MON2: variants seen among roughly 807,000 people sequenced by gnomAD.
MON2 encodes the protein MON2 regulator of endosome-to-Golgi trafficking.
MON2 carries 84 observed loss-of-function variants against 208.6 expected under a neutral mutation model. The observed-to-expected ratio is 0.40, with a 90% CI of 0.34 to 0.48. The LOEUF (loss-of-function observed/expected upper bound fraction) is 0.48. Ranked by LOEUF, MON2 falls within the 20% of genes least tolerant of loss-of-function variation. MON2 has a pLI of 0.59. For missense variants in MON2, 1,611 were observed against 2,015.4 expected, an observed-to-expected ratio of 0.80 and a Z score of 3.84; for synonymous variants, 660 against 694.0, an observed-to-expected ratio of 0.95 and a Z score of 0.77.
chr12:62,481,156 A>G (rs968588555), intron 1 of MON2, among the ~76,000 whole-genome samples: 1 of 152,208 alleles, frequency 6.6e-6, no homozygotes, highest in Non-Finnish European at 1.5e-5. Flanking sequence ...CCAATCCATC[A>G]TCATCTCTTG....
intron 34 of MON2, among the ~76,000 whole-genome samples, chr12:62,588,614 C>T (rs1422895737): frequency 6.6e-6 from 1 of 152,160 alleles, no homozygotes; most frequent in African/African-American, 2.4e-5. Flanking sequence ...CCATTCTTTA[C>T]ATGATAGCCG....
intron 14 of MON2, 74 bp from the exon 15 acceptor site, chr12:62,537,077 C>T: frequency 3.4e-6 from 3 of 879,022 alleles, no homozygotes; most frequent in South Asian, 2.3e-5. Context: ...TTTAATCAAA[C>T]TTTAAATATA....
intron 8 of MON2, among the ~76,000 whole-genome samples, chr12:62,516,346 A>G (rs1429876769): frequency 1.3e-5 from 2 of 152,160 alleles, no homozygotes; most frequent in African/African-American, 4.8e-5. Context: ...GGTAGATAGA[A>G]TGAATAAGAT....
At chr12:62,577,781 A>G (rs1409877097) in intron 30 of MON2, among the ~76,000 whole-genome samples, 1 of 152,162 alleles carries the variant, frequency 6.6e-6, no homozygotes, top group East Asian at 1.9e-4. Flanking sequence ...AACAGTTATT[A>G]CTATCCTATT....
chr12:62,514,491 G>T (rs970229336), intron 8 of MON2, among the ~76,000 whole-genome samples: 2 of 152,214 alleles, frequency 1.3e-5, no homozygotes, highest in Non-Finnish European at 2.9e-5. Context: ...ATCACAAATG[G>T]TGGTAGACAC....
chr12:62,563,551 G>T (rs1009019864), intron 26 of MON2, among the ~76,000 whole-genome samples: 1 of 151,954 alleles, frequency 6.6e-6, no homozygotes, highest in African/African-American at 2.4e-5. Flanking sequence ...TTTGTTATCA[G>T]GTTTATTCTA....
At chr12:62,470,704 C>T (rs1036147158) in intron 1 of MON2, 1 of 1,152,896 alleles carries the variant, frequency 8.7e-7, no homozygotes, top group Non-Finnish European at 1.1e-6. Flanking sequence ...TTTGCAGGTA[C>T]AGATGAGGGG....
chr12:62,555,221 G>A (rs1432441999), intron 24 of MON2, among the ~76,000 whole-genome samples: 1 of 151,660 alleles, frequency 6.6e-6, no homozygotes, highest in African/African-American at 2.4e-5. Flanking sequence ...TGTTGCCCAG[G>A]ATGGCATGCA....
At chr12:62,495,606 C>T (rs1456386008) in intron 4 of MON2, among the ~76,000 whole-genome samples, 1 of 144,702 alleles carries the variant, frequency 6.9e-6, no homozygotes, top group Non-Finnish European at 1.5e-5. Flanking sequence ...AGGAGAATGG[C>T]GTGAACTCAG....
intron 30 of MON2, among the ~76,000 whole-genome samples, chr12:62,573,089 G>A (rs952882401): frequency 6.6e-6 from 1 of 152,208 alleles, no homozygotes; most frequent in African/African-American, 2.4e-5. Flanking sequence ...TGTCTTGCAA[G>A]TGGTCAGACT....
intron 25 of MON2, among the ~76,000 whole-genome samples, chr12:62,557,942 ATATATATATATATATATATATTTTTTTT>A (rs2074036482): frequency 2.4e-5 from 1 of 41,644 alleles, no homozygotes; most frequent in East Asian, 6.4e-4. Flanking sequence ...ATATATATAT[ATATATATATATATATATATATTTTTTTT>A]TTTTTTTTTT....
In MON2 at chr12:62,469,882, T is replaced by TTTTTTTTA. The variant is rs1555229882; in HGVS notation, c.111+2567_111+2568insTTTTATTT. On this transcript the variant is annotated intron_variant, in intron 1 of 34. Coordinates refer to ENST00000393630, the MANE Select transcript of MON2 (RefSeq NM_015026.3). ...TTATGGCCATAGTGCTTGACTATTA[T>TTTTTTTTA]TTTATTTATTTATTTATTTATTTAT... is the stretch of plus-strand genomic sequence containing the variant. Among the ~76,000 whole-genome samples the TTTTTTTTA allele has an allele frequency of 0.011, 1,303 of 117,864 alleles. 26 individuals carry two copies. The East Asian group carries it at 0.12, about 11-fold the overall frequency. 77.3% of individuals were successfully genotyped at this position (117,864 alleles called of 152,430 possible).
chr12:62,550,779 G>A (rs1208659818), intron 23 of MON2, among the ~76,000 whole-genome samples: 1 of 152,106 alleles, frequency 6.6e-6, no homozygotes, highest in Non-Finnish European at 1.5e-5. Context: ...ATAGAATTGA[G>A]GAGAATTAGG....
intron 8 of MON2, among the ~76,000 whole-genome samples, chr12:62,520,996 TAA>T (rs71086606): frequency 2.0e-5 from 3 of 148,544 alleles, no homozygotes; most frequent in East Asian, 2.0e-4. Flanking sequence ...GGCTCTTTTT[TAA>T]AAAAAAAATT....
intron 1 of MON2, among the ~76,000 whole-genome samples, chr12:62,474,720 A>C (rs10735909): frequency 0.37 from 56,179 of 151,878 alleles, 10,585 homozygotes; most frequent in African/African-American, 0.43. Context: ...CATCGCGGCC[A>C]GCCAGATAGA....
chr12:62,492,619 C>T, intron 2 of MON2, among the ~76,000 whole-genome samples: 1 of 147,944 alleles, frequency 6.8e-6, no homozygotes. Flanking sequence ...GATCCACCCG[C>T]CTCGGCCTCC....
intron 8 of MON2, among the ~76,000 whole-genome samples, chr12:62,518,277 G>A (rs1415318425): frequency 6.6e-6 from 1 of 152,160 alleles, no homozygotes; most frequent in South Asian, 2.1e-4. Context: ...AATTTTGGGG[G>A]TGTATAAACA....
At chr12:62,508,542 G>GT in intron 8 of MON2, 62 bp downstream of exon 8, 1 of 1,492,520 alleles carries the variant, frequency 6.7e-7, no homozygotes, top group South Asian at 1.1e-5. Context: ...TTTGTAAAAA[G>GT]TGGTCTGTTG....
Position 62,593,424 on chromosome 12 carries a change from T to C in MON2, c.*675T>C, listed in dbSNP as rs2075455570. 1 of 152,528 alleles carries C rather than the reference T, an allele frequency of 6.6e-6. No homozygotes were observed. The highest frequency in any genetic ancestry group is 2.4e-5 in the African/African-American group (1 of 41,450). The allele number at this position is 152,528 out of a possible 1,614,324, so 9.4% of individuals were successfully genotyped here. A position where few individuals can be genotyped will look rare whatever the true frequency, so the allele number is the denominator to read the frequency against. On this transcript the variant is annotated 3_prime_UTR_variant, in exon 35 of 35. Coordinates refer to ENST00000393630, the MANE Select transcript of MON2 (RefSeq NM_015026.3). The stretch of plus-strand genomic sequence containing the variant: ...ATAAGCTCACCATATGATCATGCAG[T>C]TAGCTTCATGCTTATTTTAAATGTA...
Sources: allele counts gnomAD v4.1 joint callset (sites outside exome capture counted in the v4.1 genomes callset), GRCh38; gene constraint gnomAD v4.1.1; transcripts MANE v1.5; gene names NCBI Gene and HGNC (gene_info 2026-07-23, HGNC 2026-07-21).